Variants in RBFOX1 observed in about 807,000 individuals in gnomAD.
The protein encoded by RBFOX1 is RNA binding protein fox-1 homolog 1.
In RBFOX1, 8 loss-of-function variants were observed where a neutral mutation model predicts 57.7. The observed-to-expected ratio is 0.14, with a 90% CI of 0.08 to 0.25. The LOEUF (loss-of-function observed/expected upper bound fraction) is 0.25. Among genes scored for constraint, RBFOX1 ranks in the 10% least tolerant of loss-of-function variants. The pLI is 1.00. For missense variants in RBFOX1, 611 were observed against 548.5 expected, an observed-to-expected ratio of 1.11 and a Z score of -1.14; for synonymous variants, 326 against 222.4, an observed-to-expected ratio of 1.47 and a Z score of -4.15.
chr16:6,852,462 T>C (rs537561897), intron 3 of RBFOX1, among the ~76,000 whole-genome samples: 34 of 152,314 alleles, frequency 2.2e-4, no homozygotes, highest in African/African-American at 8.2e-4. Flanking sequence ...TGAGTGGCTA[T>C]TATCTGGCTT....
intron 1 of RBFOX1, among the ~76,000 whole-genome samples, chr16:5,260,011 G>A (rs775207020): frequency 3.3e-5 from 5 of 152,194 alleles, no homozygotes; most frequent in Non-Finnish European, 5.9e-5. Flanking sequence ...GACCAGCCTG[G>A]ACGACATGAT....
intron 4 of RBFOX1, among the ~76,000 whole-genome samples, chr16:7,513,402 G>C (rs76863583): frequency 1.3e-5 from 2 of 152,142 alleles, no homozygotes; most frequent in African/African-American, 4.8e-5. Flanking sequence ...CTGTGGCCTC[G>C]AATAATTATT....
chr16:7,667,598 A>T (rs1211284598), intron 13 of RBFOX1, among the ~76,000 whole-genome samples: 1 of 152,204 alleles, frequency 6.6e-6, no homozygotes, highest in Non-Finnish European at 1.5e-5. Context: ...GTAGTACACA[A>T]TAAATAGGTT....
intron 2 of RBFOX1, among the ~76,000 whole-genome samples, chr16:6,458,139 C>T (rs1022294257): frequency 2.0e-5 from 3 of 152,176 alleles, no homozygotes; most frequent in African/African-American, 7.2e-5. Context: ...ATTGGATTTC[C>T]AGCAGTAACT....
At chr16:6,211,109 GA>G (rs1300001837) in intron 1 of RBFOX1, among the ~76,000 whole-genome samples, 3 of 129,678 alleles carry the variant, frequency 2.3e-5, no homozygotes, top group Non-Finnish European at 1.8e-5. Flanking sequence ...TACTCCAGGG[GA>G]TGTGGCCTAA....
At chr16:6,299,970 C>T (rs1182394197) in intron 1 of RBFOX1, among the ~76,000 whole-genome samples, 1 of 152,198 alleles carries the variant, frequency 6.6e-6, no homozygotes, top group East Asian at 1.9e-4. Context: ...AACAAAAGCA[C>T]CTACCTAACT....
At chr16:5,831,462 C>G (rs557700803) in intron 3 of RBFOX1, among the ~76,000 whole-genome samples, 21 of 126,386 alleles carry the variant, frequency 1.7e-4, no homozygotes, top group African/African-American at 6.4e-4. Context: ...CCAATTAAAC[C>G]TCTTTTCTCT....
At chr16:7,554,857 T>C (rs1477729539) in intron 5 of RBFOX1, among the ~76,000 whole-genome samples, 1 of 152,046 alleles carries the variant, frequency 6.6e-6, no homozygotes, top group Non-Finnish European at 1.5e-5. Context: ...ATTAAGAAAA[T>C]AGAAGTTGAA....
At chr16:5,517,627 G>A (rs767547347) in intron 2 of RBFOX1, among the ~76,000 whole-genome samples, 5 of 152,154 alleles carry the variant, frequency 3.3e-5, no homozygotes, top group Admixed American at 6.5e-5. Context: ...TGTGATTGAG[G>A]AAATAATGTT....
At chr16:7,375,035 T>C (rs1568486962) in intron 4 of RBFOX1, among the ~76,000 whole-genome samples, 1 of 152,236 alleles carries the variant, frequency 6.6e-6, no homozygotes, top group African/African-American at 2.4e-5. Context: ...CATCTGGCTT[T>C]GTTAGAGTAG....
intron 3 of RBFOX1, among the ~76,000 whole-genome samples, chr16:6,910,135 A>T (rs901605020): frequency 6.6e-6 from 1 of 152,066 alleles, no homozygotes; most frequent in Non-Finnish European, 1.5e-5. Flanking sequence ...GAGATTGGGC[A>T]TTCTAGCGGG....
chr16:6,275,358 C>T (rs551987119), intron 1 of RBFOX1, among the ~76,000 whole-genome samples: 2 of 152,220 alleles, frequency 1.3e-5, no homozygotes, highest in South Asian at 4.2e-4. Context: ...ATCTTTCAAT[C>T]AGCAAACATT....
rs552840425 is a variant in RBFOX1 at position 7,371,623 on chromosome 16, G to A, written c.28-146524G>A. Among the ~76,000 whole-genome samples, 489 of 152,166 alleles carry A rather than the reference G, an allele frequency of 3.2e-3. 1 individual carries two copies. Among genetic ancestry groups the A allele is most frequent in the Non-Finnish European group, 3.3e-3 (227 of 68,002 alleles). On this transcript the variant is annotated intron_variant, in intron 4 of 15. Transcript: ENST00000550418. ...AAATTAGCTGGGTGTGGTGGCAGGC[G>A]CCTATAATCCCAGCTACTCAGGATA...
intron 10 of RBFOX1, among the ~76,000 whole-genome samples, chr16:7,616,087 A>T (rs143513939): frequency 6.6e-6 from 1 of 152,356 alleles, no homozygotes; most frequent in Admixed American, 6.5e-5. Flanking sequence ...CTTTGATTTG[A>T]TACCACACAG....
chr16:5,520,063 G>C (rs1330604092), intron 2 of RBFOX1, among the ~76,000 whole-genome samples: 1 of 152,222 alleles, frequency 6.6e-6, no homozygotes, highest in Non-Finnish European at 1.5e-5. Flanking sequence ...CGATGAAGCA[G>C]AGGTACAGGA....
At chr16:5,379,989 G>A (rs1370549156) in intron 1 of RBFOX1, among the ~76,000 whole-genome samples, 1 of 152,182 alleles carries the variant, frequency 6.6e-6, no homozygotes, top group Non-Finnish European at 1.5e-5. Context: ...TGTGAACCTG[G>A]GAGCCTGGGC....
chr16:5,499,343 G>C (rs199551707), intron 2 of RBFOX1, among the ~76,000 whole-genome samples: 2 of 152,136 alleles, frequency 1.3e-5, no homozygotes, highest in East Asian at 3.9e-4. Flanking sequence ...TGCTGCCCCT[G>C]TTGGTAGAAC....
chr16:7,645,558 G>A (rs1489125114), intron 11 of RBFOX1, among the ~76,000 whole-genome samples: 2 of 152,194 alleles, frequency 1.3e-5, no homozygotes, highest in African/African-American at 4.8e-5. Flanking sequence ...AGAAACAAAT[G>A]AGCAGAGATT....
chr16:6,908,382 C>G (rs1437034396), intron 3 of RBFOX1, among the ~76,000 whole-genome samples: 1 of 152,090 alleles, frequency 6.6e-6, no homozygotes, highest in Non-Finnish European at 1.5e-5. Flanking sequence ...GTGTGTCTGT[C>G]TGCCTGCCTT....
Sources: gnomAD v4.1 joint callset for allele counts (sites outside exome capture counted in the v4.1 genomes callset) on GRCh38, gnomAD v4.1.1 for gene constraint, MANE v1.5 for transcripts, NCBI Gene and HGNC (gene_info 2026-07-23, HGNC 2026-07-21) for gene names.